Variants in RTN4 observed in about 807,000 individuals in gnomAD.
RTN4 encodes the protein reticulon 4, also known as reticulon-4.
RTN4 carries 32 observed loss-of-function variants against 90.4 expected under a neutral mutation model. The observed-to-expected ratio is 0.35, with a 90% CI of 0.27 to 0.48. The LOEUF is 0.48. RTN4 is among the 20% of genes least tolerant of loss of function. The pLI is 0.99. For missense variants in RTN4, 1,706 were observed against 1,430.2 expected, an observed-to-expected ratio of 1.19 and a Z score of -3.11; for synonymous variants, 629 against 552.5, an observed-to-expected ratio of 1.14 and a Z score of -1.94.
intron 1 of RTN4, among the ~76,000 whole-genome samples, chr2:55,031,953 G>A (rs1470757389): frequency 6.6e-6 from 1 of 152,076 alleles, no homozygotes; most frequent in Non-Finnish European, 1.5e-5. Context: ...CCAGAACAAA[G>A]TTAAAACCAC....
At chr2:55,037,623 G>C (rs1682781359) in intron 1 of RTN4, among the ~76,000 whole-genome samples, 1 of 152,082 alleles carries the variant, frequency 6.6e-6, no homozygotes, top group Non-Finnish European at 1.5e-5. Context: ...CTCTGACCCA[G>C]GCATCTTATA....
At chr2:55,098,732 A>T (rs572557038) in intron 1 of RTN4, among the ~76,000 whole-genome samples, 1 of 152,180 alleles carries the variant, frequency 6.6e-6, no homozygotes, top group East Asian at 1.9e-4. Context: ...TGCCTTTTAA[A>T]TCTCTTTTAA....
At chr2:55,119,904 CCTT>C in the RTN4 span, among the ~76,000 whole-genome samples, 5 of 152,196 alleles carry the variant, frequency 3.3e-5, no homozygotes, top group African/African-American at 1.2e-4. Context: ...TCTCATTTCT[CCTT>C]CTCTCAGCTG....
chr2:55,124,590 C>A, the RTN4 span, among the ~76,000 whole-genome samples: 1 of 152,154 alleles, frequency 6.6e-6, no homozygotes, highest in Non-Finnish European at 1.5e-5. Context: ...GAAAACACAT[C>A]CCATGCTCAT....
chr2:55,118,871 A>G, the RTN4 span, among the ~76,000 whole-genome samples: 9 of 152,362 alleles, frequency 5.9e-5, no homozygotes, highest in Middle Eastern at 3.4e-3. Context: ...ATTTATCAGG[A>G]AGCAAGCAGC....
At chr2:55,069,031 G>A (rs542916283) in intron 2 of RTN4, among the ~76,000 whole-genome samples, 1 of 152,320 alleles carries the variant, frequency 6.6e-6, no homozygotes, top group South Asian at 2.1e-4. Flanking sequence ...CAAAATTAGA[G>A]AGAAGTGGCA....
intron 2 of RTN4, 64 bp from the exon 3 acceptor site, chr2:55,027,549 T>C: frequency 6.7e-7 from 1 of 1,499,712 alleles, no homozygotes. Context: ...ATGCAAGTTT[T>C]ATGACAGATC....
chr2:55,049,322 G>A lies in RTN4; in HGVS notation c.556+423C>T, dbSNP rs935030084. ...CTTTTCCAAAGGAGCAACCCAGACGGGTAGACAAAAGCACCTCCTAAAAAT... is the reference window on the plus strand; with the variant it reads ...CTTTTCCAAAGGAGCAACCCAGACGAGTAGACAAAAGCACCTCCTAAAAAT... On this transcript the variant is annotated intron_variant, in intron 1 of 8. Transcript: ENST00000337526. 4 of 264,442 alleles carry A rather than the reference G, an allele frequency of 1.5e-5. No individual in the cohort carries two copies. In the Admixed American group the frequency reaches 1.9e-4, roughly 12 times the overall value. 16.4% of individuals were successfully genotyped at this position (264,442 alleles called of 1,614,324 possible). A position where few individuals can be genotyped will look rare whatever the true frequency, so the allele number is the denominator to read the frequency against.
upstream of RTN4, among the ~76,000 whole-genome samples, chr2:55,054,063 T>C (rs1037376884): frequency 2.6e-5 from 4 of 152,158 alleles, no homozygotes; most frequent in African/African-American, 9.7e-5. Context: ...ATGCAATCAA[T>C]ACATGCAAAA....
intron 3 of RTN4, among the ~76,000 whole-genome samples, chr2:55,018,850 A>G (rs1681225537): frequency 6.6e-6 from 1 of 152,186 alleles, no homozygotes; most frequent in Non-Finnish European, 1.5e-5. Flanking sequence ...AATGACCACA[A>G]CTAGCATCTA....
chr2:55,127,526 C>G, the RTN4 span, among the ~76,000 whole-genome samples: 8 of 152,178 alleles, frequency 5.3e-5, no homozygotes, highest in Admixed American at 6.5e-5. Context: ...CTTCATGTGT[C>G]CCCAAACGCT....
chr2:54,982,455 C>CTCAACTCTCTTGTACAATCAAAGTACAA, intron 5 of RTN4, 60 bp downstream of exon 5: 1 of 1,436,672 alleles, frequency 7.0e-7, no homozygotes, highest in Non-Finnish European at 9.5e-7. Flanking sequence ...GAATTTTACA[C>CTCAACTCTCTTGTACAATCAAAGTACAA]TCAACTCTCT....
intron 1 of RTN4, among the ~76,000 whole-genome samples, chr2:55,091,373 A>C (rs962456721): frequency 6.6e-6 from 1 of 152,076 alleles, no homozygotes; most frequent in Admixed American, 6.6e-5. Flanking sequence ...GCCTCCGTAC[A>C]TGCTATTTTT....
intron 1 of RTN4, among the ~76,000 whole-genome samples, chr2:55,043,660 T>G (rs923938665): frequency 1.3e-5 from 2 of 151,994 alleles, no homozygotes; most frequent in Admixed American, 6.6e-5. Flanking sequence ...CCGAGGCAGG[T>G]GGGTCACCTG....
At chr2:54,978,682 T>C (rs1301907106) in intron 5 of RTN4, among the ~76,000 whole-genome samples, 1 of 152,128 alleles carries the variant, frequency 6.6e-6, no homozygotes, top group African/African-American at 2.4e-5. Context: ...ATTAAGATGG[T>C]TTCCATTTTC....
intron 1 of RTN4, among the ~76,000 whole-genome samples, chr2:55,103,618 T>A (rs778538129): frequency 2.0e-5 from 3 of 152,086 alleles, no homozygotes; most frequent in Non-Finnish European, 4.4e-5. Context: ...CCCACAGAGC[T>A]GTGTACTTTA....
chr2:55,116,236 A>G (rs546586590), upstream of RTN4, among the ~76,000 whole-genome samples: 45 of 151,798 alleles, frequency 3.0e-4, no homozygotes, highest in African/African-American at 9.9e-4. Flanking sequence ...CTCATTTCTA[A>G]TTGTTTCATC....
intron 3 of RTN4, among the ~76,000 whole-genome samples, chr2:55,002,225 A>G (rs1203843668): frequency 1.3e-5 from 2 of 151,592 alleles, no homozygotes; most frequent in African/African-American, 4.9e-5. Context: ...CACCAAGCTA[A>G]TTTTTTAAAA....
chr2:55,073,977 A>C (rs1313366359), intron 2 of RTN4, among the ~76,000 whole-genome samples: 1 of 152,196 alleles, frequency 6.6e-6, no homozygotes, highest in Non-Finnish European at 1.5e-5. Context: ...ATTCACTGTG[A>C]GGTTAAGCCA....
Sources: gnomAD v4.1 joint callset for allele counts (sites outside exome capture counted in the v4.1 genomes callset) on GRCh38, gnomAD v4.1.1 for gene constraint, MANE v1.5 for transcripts, NCBI Gene and HGNC (gene_info 2026-07-23, HGNC 2026-07-21) for gene names.